Variants in SEC23A observed in about 807,000 individuals in gnomAD.
The protein encoded by SEC23A is protein transport protein Sec23A.
A neutral mutation model predicts 103.7 loss-of-function variants in SEC23A; 56 were observed. The ratio of observed to expected loss-of-function variants is 0.54; its 90% CI spans 0.44 to 0.67. SEC23A has a LOEUF of 0.67. Among genes scored for constraint, SEC23A ranks in the 30% least tolerant of loss-of-function variants. The pLI, the probability that SEC23A is intolerant of heterozygous loss-of-function variation, is 0.00. For missense variants in SEC23A, 784 were observed against 936.4 expected, an observed-to-expected ratio of 0.84 and a Z score of 2.12; for synonymous variants, 281 against 293.0, an observed-to-expected ratio of 0.96 and a Z score of 0.42.
At chr14:39,047,158 T>G (rs894109692) in intron 15 of SEC23A, among the ~76,000 whole-genome samples, 1 of 152,138 alleles carries the variant, frequency 6.6e-6, no homozygotes, top group Non-Finnish European at 1.5e-5. Context: ...CAAAAAGTAT[T>G]CCAGGGTCCT....
At chr14:39,088,203 G>A (rs1451152395) in intron 5 of SEC23A, 1 of 151,946 alleles carries the variant, frequency 6.6e-6, no homozygotes, top group African/African-American at 2.4e-5. Flanking sequence ...CTAATAATAG[G>A]GAAAGAATAG....
intron 1 of SEC23A, among the ~76,000 whole-genome samples, chr14:39,100,048 C>G (rs999269393): frequency 2.6e-5 from 4 of 152,164 alleles, no homozygotes; most frequent in Admixed American, 6.5e-5. Context: ...TGGATTGTAT[C>G]TCTACATTCT....
chr14:39,081,606 T>A (rs1049447601), intron 7 of SEC23A, among the ~76,000 whole-genome samples: 1 of 152,208 alleles, frequency 6.6e-6, no homozygotes, highest in Non-Finnish European at 1.5e-5. Context: ...ATTCTATATA[T>A]TCTAGGACTG....
intron 11 of SEC23A, among the ~76,000 whole-genome samples, chr14:39,064,349 AAAAGAACAT>A (rs1886584860): frequency 1.3e-5 from 2 of 152,232 alleles, no homozygotes; most frequent in South Asian, 4.1e-4. Context: ...AAATTGGATA[AAAAGAACAT>A]AAAGAACTGA....
chr14:39,056,506 GCT>G (rs1339154924), intron 13 of SEC23A, among the ~76,000 whole-genome samples: 1 of 139,884 alleles, frequency 7.1e-6, no homozygotes, highest in African/African-American at 2.7e-5. Flanking sequence ...ACAGAGTCTT[GCT>G]CTGTCACCCA....
intron 1 of SEC23A, among the ~76,000 whole-genome samples, chr14:39,099,665 G>A (rs2139305893): frequency 6.6e-6 from 1 of 152,154 alleles, no homozygotes; most frequent in East Asian, 1.9e-4. Context: ...ATCACACATG[G>A]GTAGATGATC....
chr14:39,084,949 G>A (rs1887377716), intron 7 of SEC23A, among the ~76,000 whole-genome samples: 1 of 152,176 alleles, frequency 6.6e-6, no homozygotes, highest in African/African-American at 2.4e-5. Flanking sequence ...GGGATTACAG[G>A]CATGAGGTGC....
intron 13 of SEC23A, among the ~76,000 whole-genome samples, chr14:39,058,553 C>T (rs1243716003): frequency 2.0e-5 from 3 of 152,214 alleles, no homozygotes; most frequent in Admixed American, 2.0e-4. Flanking sequence ...ATGATCCACC[C>T]GCCTTGGCCT....
chr14:39,048,109 G>T (rs969871263), intron 15 of SEC23A, among the ~76,000 whole-genome samples: 4 of 152,098 alleles, frequency 2.6e-5, no homozygotes, highest in African/African-American at 9.7e-5. Flanking sequence ...TCTACCCACT[G>T]CAGGGTTCCA....
chr14:39,077,996 T>C (rs1311705783), intron 7 of SEC23A, among the ~76,000 whole-genome samples: 1 of 151,982 alleles, frequency 6.6e-6, no homozygotes, highest in African/African-American at 2.4e-5. Context: ...ATGCCTCTAA[T>C]CTCATCATTT....
At chr14:39,096,227 T>A in intron 1 of SEC23A, 88 bp from the exon 2 acceptor site, 1 of 887,196 alleles carries the variant, frequency 1.1e-6, no homozygotes, top group Non-Finnish European at 1.8e-6. Context: ...TCAGCAATAT[T>A]AACACCTTAG....
chr14:39,054,829 A>G (rs980101065), intron 14 of SEC23A, among the ~76,000 whole-genome samples: 1 of 152,356 alleles, frequency 6.6e-6, no homozygotes, highest in Admixed American at 6.5e-5. Flanking sequence ...TATGTAAAAA[A>G]GCACTAAAAA....
intron 11 of SEC23A, among the ~76,000 whole-genome samples, chr14:39,063,728 G>A (rs1253097533): frequency 6.6e-6 from 1 of 152,118 alleles, no homozygotes; most frequent in Non-Finnish European, 1.5e-5. Flanking sequence ...CAGGGGCGGT[G>A]GCTCCCACCT....
chr14:39,055,329 T>G (rs749247656), intron 13 of SEC23A, 33 bp from the exon 14 acceptor site: 1 of 1,601,566 alleles, frequency 6.2e-7, no homozygotes, highest in South Asian at 1.1e-5. Flanking sequence ...GAAATGCTTC[T>G]GAATTATTAT....
Position 39,037,085 on chromosome 14 carries a change from C to G in SEC23A, c.2208+1946G>C, listed in dbSNP as rs549850397. On this transcript the variant is annotated intron_variant, in intron 19 of 19. Coordinates refer to ENST00000307712, the MANE Select transcript of SEC23A (RefSeq NM_006364.4). ...CTGATAATTCACTAAACACTCCTAC[C>G]ACTTGTACTCCCCTGAAGTTTTTGT... is the stretch of plus-strand genomic sequence containing the variant. 6.6e-5 allele frequency among the ~76,000 whole-genome samples: 10 copies of G among 152,124 alleles called. No homozygotes were observed. The East Asian group carries it at 1.2e-3, about 18-fold the overall frequency.
At chr14:39,046,861 A>G (rs1885856794) in intron 15 of SEC23A, among the ~76,000 whole-genome samples, 1 of 152,124 alleles carries the variant, frequency 6.6e-6, no homozygotes, top group Non-Finnish European at 1.5e-5. Flanking sequence ...ACTTCTCTTA[A>G]ATTCCTCCAA....
intron 2 of SEC23A, 139 bp from the exon 3 acceptor site, chr14:39,093,383 T>C (rs1887730129): frequency 1.5e-6 from 1 of 677,698 alleles, no homozygotes; most frequent in South Asian, 1.8e-5. Flanking sequence ...TTAAAAGCCA[T>C]GTAGTTTTAG....
At chr14:39,076,403 T>C (rs1051514305) in intron 7 of SEC23A, among the ~76,000 whole-genome samples, 2 of 151,214 alleles carry the variant, frequency 1.3e-5, no homozygotes, top group Non-Finnish European at 2.9e-5. Flanking sequence ...AGAGTGAACA[T>C]CTTCTTTTGT....
chr14:39,093,272 T>C (rs1199143780), intron 2 of SEC23A, 28 bp from the exon 3 acceptor site: 1 of 1,573,800 alleles, frequency 6.4e-7, no homozygotes, highest in Non-Finnish European at 8.7e-7. Context: ...AAAAGACATA[T>C]CAGTTCATAT....
Sources: allele counts gnomAD v4.1 joint callset (sites outside exome capture counted in the v4.1 genomes callset), GRCh38; gene constraint gnomAD v4.1.1; transcripts MANE v1.5; gene names NCBI Gene and HGNC (gene_info 2026-07-23, HGNC 2026-07-21).